TDRP: variants seen among roughly 807,000 people sequenced by gnomAD.
TDRP encodes testis development related protein, also known as testis development-related protein.
Under a neutral mutation model 10.5 loss-of-function variants are expected in TDRP, and 12 were observed. The observed-to-expected ratio is 1.15, with a 90% CI of 0.73 to 1.86. TDRP has a LOEUF of 1.86. Ranked by LOEUF, TDRP falls within the 40% of genes most tolerant of loss-of-function variation. The pLI is 0.00. For missense variants in TDRP, 353 were observed against 229.2 expected, an observed-to-expected ratio of 1.54 and a Z score of -3.49; for synonymous variants, 139 against 95.4, an observed-to-expected ratio of 1.46 and a Z score of -2.67.
intron 1 of TDRP, among the ~76,000 whole-genome samples, chr8:522,673 A>G (rs1490431525): frequency 1.3e-5 from 2 of 152,220 alleles, no homozygotes; most frequent in Non-Finnish European, 2.9e-5. Flanking sequence ...TTTGGGGCTC[A>G]GTCCTTTGGA....
intron 1 of TDRP, among the ~76,000 whole-genome samples, chr8:513,094 A>G (rs1403035778): frequency 7.1e-6 from 1 of 140,214 alleles, no homozygotes; most frequent in African/African-American, 2.7e-5. Flanking sequence ...ATTAATACCA[A>G]TTCTTCACAC....
chr8:536,783 A>G (rs1404763055), intron 1 of TDRP, among the ~76,000 whole-genome samples: 1 of 152,148 alleles, frequency 6.6e-6, no homozygotes, highest in African/African-American at 2.4e-5. Context: ...CACAGGCAGG[A>G]GCTCCCCAAG....
chr8:518,760 AT>A (rs35741906), intron 1 of TDRP, among the ~76,000 whole-genome samples: 78 of 150,256 alleles, frequency 5.2e-4, no homozygotes, highest in East Asian at 1.4e-3. Flanking sequence ...AGATTCCACC[AT>A]TTTTTTTTTA....
At chr8:510,330 C>A (rs1285814636) in intron 1 of TDRP, among the ~76,000 whole-genome samples, 1 of 152,090 alleles carries the variant, frequency 6.6e-6, no homozygotes, top group Non-Finnish European at 1.5e-5. Flanking sequence ...TAGGGGCCCA[C>A]TTCAAGTCAC....
intron 1 of TDRP, among the ~76,000 whole-genome samples, chr8:521,152 C>T (rs554472246): frequency 6.7e-6 from 1 of 149,588 alleles, no homozygotes; most frequent in Admixed American, 6.8e-5. Flanking sequence ...CCTGTAATCC[C>T]AGCACTTTGG....
At chr8:526,176 T>G (rs1245018173) in intron 1 of TDRP, among the ~76,000 whole-genome samples, 1 of 152,200 alleles carries the variant, frequency 6.6e-6, no homozygotes, top group Non-Finnish European at 1.5e-5. Flanking sequence ...TTTTGTATTT[T>G]TAGTAGAGAC....
intron 1 of TDRP, among the ~76,000 whole-genome samples, chr8:533,144 A>C (rs1462102936): frequency 6.6e-6 from 1 of 152,192 alleles, no homozygotes; most frequent in Admixed American, 6.5e-5. Context: ...CAACCACTCA[A>C]CAACAAATTA....
At chr8:496,284 C>T (rs1360335156) in intron 1 of TDRP, among the ~76,000 whole-genome samples, 1 of 152,222 alleles carries the variant, frequency 6.6e-6, no homozygotes, top group African/African-American at 2.4e-5. Context: ...GCGCAGGGCC[C>T]ATGGCATGAC....
intron 1 of TDRP, among the ~76,000 whole-genome samples, chr8:537,167 C>G (rs959508557): frequency 5.3e-5 from 8 of 152,234 alleles, no homozygotes; most frequent in African/African-American, 1.9e-4. Context: ...CTGCTGAGCC[C>G]CACGTGGGCC....
At chr8:529,546 G>A (rs927391834) in intron 1 of TDRP, among the ~76,000 whole-genome samples, 1 of 150,032 alleles carries the variant, frequency 6.7e-6, no homozygotes, top group African/African-American at 2.5e-5. Context: ...TTCTTACAAG[G>A]TAGATCTAGT....
At chr8:535,692 T>TC (rs1441256487) in intron 1 of TDRP, among the ~76,000 whole-genome samples, 23 of 149,698 alleles carry the variant, frequency 1.5e-4, no homozygotes, top group African/African-American at 5.6e-4. Flanking sequence ...CTGCAGGGCC[T>TC]CCCACCATAT....
At chr8:517,118 C>G (rs1390257529) in intron 1 of TDRP, among the ~76,000 whole-genome samples, 2 of 152,126 alleles carry the variant, frequency 1.3e-5, no homozygotes, top group African/African-American at 4.8e-5. Context: ...GGCGCTCAGG[C>G]AAAACTGAAG....
intron 1 of TDRP, among the ~76,000 whole-genome samples, chr8:530,219 T>A (rs1802153103): frequency 1.4e-5 from 2 of 145,668 alleles, no homozygotes; most frequent in Admixed American, 1.4e-4. Flanking sequence ...TGTCTTGTTG[T>A]TGATATTCTT....
In TDRP at chr8:490,442, C is replaced by A. The variant is rs192706895; in HGVS notation, c.*1957G>T. On this transcript the variant is annotated 3_prime_UTR_variant, in exon 3 of 3. Transcript: ENST00000324079. ...GGCACTTAGCGTTCCAACAGAGGCA[C>A]GGCAACTGCAGCCATCACAGCCACA... is the stretch of plus-strand genomic sequence containing the variant. The A allele has an allele frequency of 6.6e-6, 1 of 152,322 alleles. No individual in the cohort carries two copies. Among genetic ancestry groups the A allele is most frequent in the African/African-American group, 2.4e-5 (1 of 41,562 alleles). The allele number at this position is 152,322 out of a possible 1,614,324, so 9.4% of individuals were successfully genotyped here. A position where few individuals can be genotyped will look rare whatever the true frequency, so the allele number is the denominator to read the frequency against.
chr8:520,298 G>C (rs1801867509), intron 1 of TDRP, among the ~76,000 whole-genome samples: 1 of 151,978 alleles, frequency 6.6e-6, no homozygotes, highest in Admixed American at 6.6e-5. Flanking sequence ...TCTTTTCTAA[G>C]GCTGAATAAT....
Position 510,263 on chromosome 8 carries a change from C to T in TDRP, c.109-15666G>A, listed in dbSNP as rs568278650. ...CAGAAGTCTGGCAGCTGGAAAATCC[C>T]AACCCTCTAATTGCATGTTTGTCTT... On this transcript the variant is annotated intron_variant, in intron 1 of 2. Coordinates refer to ENST00000324079, the MANE Select transcript of TDRP (RefSeq NM_001384899.1). Among the ~76,000 whole-genome samples, 4 of 152,250 alleles carry T rather than the reference C, an allele frequency of 2.6e-5. No individual in the cohort carries two copies. The South Asian group carries it at 8.3e-4, about 32-fold the overall frequency.
chr8:505,361 G>A (rs1199552189), intron 1 of TDRP, among the ~76,000 whole-genome samples: 3 of 152,224 alleles, frequency 2.0e-5, no homozygotes, highest in Middle Eastern at 3.2e-3. Context: ...TGAAACAGGG[G>A]TGGGAAGGAT....
At chr8:500,981 T>A (rs7817504) in intron 1 of TDRP, among the ~76,000 whole-genome samples, 1 of 151,698 alleles carries the variant, frequency 6.6e-6, no homozygotes, top group Non-Finnish European at 1.5e-5. Flanking sequence ...CCAAGGTGGG[T>A]GGATCACAAG....
intron 2 of TDRP, among the ~76,000 whole-genome samples, chr8:493,080 C>A (rs1801025501): frequency 6.6e-6 from 1 of 152,208 alleles, no homozygotes. Context: ...CTATGAGAAT[C>A]CAGGGTCTAG....
Sources: gnomAD v4.1 joint callset for allele counts (sites outside exome capture counted in the v4.1 genomes callset) on GRCh38, gnomAD v4.1.1 for gene constraint, MANE v1.5 for transcripts, NCBI Gene and HGNC (gene_info 2026-07-23, HGNC 2026-07-21) for gene names.